Variants in USP48 observed in about 807,000 individuals in gnomAD.
USP48 encodes ubiquitin specific peptidase 48.
A neutral mutation model predicts 150.7 loss-of-function variants in USP48; 43 were observed. The ratio of observed to expected loss-of-function variants is 0.29; its 90% CI spans 0.22 to 0.37. The LOEUF is 0.37. Ranked by LOEUF, USP48 falls within the 10% of genes least tolerant of loss-of-function variation. USP48 has a pLI of 1.00. For missense variants in USP48, 813 were observed against 1,249.6 expected (o/e 0.65, Z 5.27); for synonymous variants, 396 against 425.9 (o/e 0.93, Z 0.86).
intron 9 of USP48, among the ~76,000 whole-genome samples, chr1:21,734,148 C>A (rs1241740680): frequency 6.6e-6 from 1 of 152,144 alleles, no homozygotes; most frequent in East Asian, 1.9e-4. Context: ...TCTGTAATGC[C>A]AACACTTTTG....
chr1:21,760,599 A>G (rs1449774180), intron 1 of USP48, among the ~76,000 whole-genome samples: 1 of 152,132 alleles, frequency 6.6e-6, no homozygotes, highest in Non-Finnish European at 1.5e-5. Flanking sequence ...CTGTAATCCC[A>G]GCTACCCAGG....
intron 1 of USP48, among the ~76,000 whole-genome samples, chr1:21,773,996 G>T (rs1208744219): frequency 6.6e-6 from 1 of 151,966 alleles, no homozygotes; most frequent in East Asian, 1.9e-4. Context: ...TATGTAACTG[G>T]CTGGGTGTGG....
rs560146843 is a variant in USP48 at position 21,699,841 on chromosome 1, A to G, written c.2727+1657T>C. 5.4e-5 allele frequency among the ~76,000 whole-genome samples: 8 copies of G among 148,284 alleles called. No homozygotes were observed. In the South Asian group the frequency reaches 1.5e-3, roughly 27 times the overall value. On this transcript the variant is annotated intron_variant, in intron 22 of 26. Transcript: ENST00000308271. ...ACACACACACACACACACTTTTAAT[A>G]TATCAACTGAAAAGCACACAATCGA... is the stretch of plus-strand genomic sequence containing the variant.
intron 1 of USP48, among the ~76,000 whole-genome samples, chr1:21,779,941 G>A (rs1406434346): frequency 6.6e-6 from 1 of 152,110 alleles, no homozygotes; most frequent in African/African-American, 2.4e-5. Flanking sequence ...GGATGATGAA[G>A]CATTTGAACC....
chr1:21,752,471 A>G, intron 5 of USP48, 56 bp downstream of exon 5: 2 of 1,589,416 alleles, frequency 1.3e-6, no homozygotes, highest in Non-Finnish European at 1.7e-6. Flanking sequence ...AATAGTTAAC[A>G]TATGAGCAAC....
chr1:21,769,002 T>C (rs557569898), intron 1 of USP48, among the ~76,000 whole-genome samples: 1 of 152,188 alleles, frequency 6.6e-6, no homozygotes, highest in Non-Finnish European at 1.5e-5. Flanking sequence ...AGTCTCGTCA[T>C]GTATTTAATT....
At chr1:21,696,605 G>A (rs2152507172) in intron 22 of USP48, among the ~76,000 whole-genome samples, 1 of 152,236 alleles carries the variant, frequency 6.6e-6, no homozygotes, top group East Asian at 1.9e-4. Flanking sequence ...ACATTAGGGA[G>A]TTTTCGTTAG....
chr1:21,775,524 G>T (rs2097895779), intron 1 of USP48, among the ~76,000 whole-genome samples: 1 of 152,144 alleles, frequency 6.6e-6, no homozygotes, highest in African/African-American at 2.4e-5. Flanking sequence ...CAAAGTGTTG[G>T]GACTACAGGC....
chr1:21,764,216 T>C (rs903599364), intron 1 of USP48, among the ~76,000 whole-genome samples: 5 of 152,086 alleles, frequency 3.3e-5, no homozygotes, highest in African/African-American at 1.2e-4. Flanking sequence ...GGCAGGCAGA[T>C]CACTTGAGGC....
intron 22 of USP48, among the ~76,000 whole-genome samples, chr1:21,696,354 C>T (rs1228948318): frequency 6.6e-6 from 1 of 152,208 alleles, no homozygotes; most frequent in Admixed American, 6.5e-5. Flanking sequence ...AGGAGAACTG[C>T]TTGAACCTGG....
intron 25 of USP48, among the ~76,000 whole-genome samples, chr1:21,684,823 T>G (rs544807666): frequency 1.4e-4 from 22 of 152,370 alleles, no homozygotes; most frequent in African/African-American, 4.6e-4. Flanking sequence ...GTGTATGTTC[T>G]TGGTGCCTTT....
intron 9 of USP48, 121 bp from the exon 10 acceptor site, chr1:21,729,953 A>C: frequency 8.2e-7 from 1 of 1,216,530 alleles, no homozygotes; most frequent in Non-Finnish European, 1.1e-6. Context: ...ACCAATCTAA[A>C]ACATTCAAAG....
intron 8 of USP48, among the ~76,000 whole-genome samples, chr1:21,742,389 C>T (rs2097783878): frequency 6.6e-6 from 1 of 151,752 alleles, no homozygotes; most frequent in Non-Finnish European, 1.5e-5. Flanking sequence ...ACTAAAAATA[C>T]CAAAATTAGC....
intron 3 of USP48, among the ~76,000 whole-genome samples, chr1:21,753,836 A>C (rs553706021): frequency 3.3e-5 from 5 of 150,760 alleles, no homozygotes; most frequent in Admixed American, 1.3e-4. Flanking sequence ...AAAAAAAAAA[A>C]AAAAAAAAAA....
chr1:21,768,514 T>C lies in USP48; in HGVS notation c.135-10731A>G, dbSNP rs542383464. The C allele has an allele frequency of 2.0e-5, 3 of 152,324 alleles. No homozygotes were observed. In the East Asian group the frequency reaches 5.8e-4, roughly 29 times the overall value. 9.4% of individuals were successfully genotyped at this position (152,324 alleles called of 1,614,324 possible). On this transcript the variant is annotated intron_variant, in intron 1 of 26. Transcript: ENST00000308271. ...AGTTAGATTTCCAAGAATTGCTTAA[T>C]CTTTTTTGTTTCCCTCATCTCAGAC... is the stretch of plus-strand genomic sequence containing the variant.
intron 8 of USP48, among the ~76,000 whole-genome samples, chr1:21,742,149 C>A (rs767733233): frequency 7.9e-5 from 12 of 152,080 alleles, no homozygotes; most frequent in Non-Finnish European, 1.8e-4. Flanking sequence ...CTTGGAATCA[C>A]CCTCCACTGT....
intron 8 of USP48, among the ~76,000 whole-genome samples, chr1:21,744,678 G>A (rs1189134437): frequency 2.7e-5 from 4 of 147,746 alleles, no homozygotes; most frequent in African/African-American, 5.0e-5. Flanking sequence ...TCGGAAAGCT[G>A]AGGCAGGAGA....
chr1:21,734,696 A>G (rs1438700081), intron 9 of USP48, among the ~76,000 whole-genome samples: 1 of 152,242 alleles, frequency 6.6e-6, no homozygotes, highest in Non-Finnish European at 1.5e-5. Context: ...AAATGATATG[A>G]CCACACTTGT....
chr1:21,693,449 C>T (rs1372637067), intron 23 of USP48, among the ~76,000 whole-genome samples: 5 of 152,100 alleles, frequency 3.3e-5, no homozygotes, highest in Non-Finnish European at 7.3e-5. Context: ...CTGTTTGGCC[C>T]GCAGTGGTCC....
Sources: gnomAD v4.1 joint callset for allele counts (sites outside exome capture counted in the v4.1 genomes callset) on GRCh38, gnomAD v4.1.1 for gene constraint, MANE v1.5 for transcripts, NCBI Gene and HGNC (gene_info 2026-07-23, HGNC 2026-07-21) for gene names.